The following GRIN2A variants were observed in gnomAD, a reference collection of about 807,000 sequenced individuals.
GRIN2A encodes glutamate receptor ionotropic, NMDA 2A.
GRIN2A carries 22 observed loss-of-function variants against 113.4 expected under a neutral mutation model. That is an observed-to-expected ratio of 0.19 (90% CI 0.14 to 0.28). The LOEUF (loss-of-function observed/expected upper bound fraction) is 0.28. Among genes scored for constraint, GRIN2A ranks in the 10% least tolerant of loss-of-function variants. The probability of loss-of-function intolerance (pLI) is 1.00; values close to 1 mark genes in which losing one functional copy is unlikely to be tolerated. For synonymous variants in GRIN2A, 827 were observed against 738.4 expected (o/e 1.12, Z -1.94); for missense variants, 1,502 against 1,887.0 (o/e 0.80, Z 3.78).
At chr16:10,130,826 A>G (rs1322103303) in intron 2 of GRIN2A, among the ~76,000 whole-genome samples, 3 of 152,198 alleles carry the variant, frequency 2.0e-5, no homozygotes, top group African/African-American at 7.2e-5. Flanking sequence ...GAAAGTAAAC[A>G]GCTGGGGGAG....
chr16:9,960,693 C>T (rs1199914350), intron 2 of GRIN2A, among the ~76,000 whole-genome samples: 6 of 152,208 alleles, frequency 3.9e-5, no homozygotes, highest in Non-Finnish European at 7.3e-5. Flanking sequence ...GGCATGATCT[C>T]AGCTCCCTGC....
At position 10,098,607 on chromosome 16, in the gene GRIN2A, C is replaced by T. The variant is rs117201595; in HGVS notation, c.414+81391G>A. 3.1e-3 allele frequency among the ~76,000 whole-genome samples: 466 copies of T among 152,232 alleles called. 7 individuals carry two copies. The East Asian group carries it at 0.052, about 17-fold the overall frequency. Reference sequence around the variant, plus strand: ...ACAAATTGTGGTATGTATATATACACGATGGAATAAAACTCAGCCTTAAAA... The same window carrying T: ...ACAAATTGTGGTATGTATATATACATGATGGAATAAAACTCAGCCTTAAAA... On this transcript the variant is annotated intron_variant, in intron 2 of 12. Coordinates refer to ENST00000330684, the MANE Select transcript of GRIN2A (RefSeq NM_001134407.3).
At chr16:9,784,296 G>C (rs1035492282) in intron 11 of GRIN2A, among the ~76,000 whole-genome samples, 1 of 151,924 alleles carries the variant, frequency 6.6e-6, no homozygotes, top group Non-Finnish European at 1.5e-5. Flanking sequence ...CAGGCGTGGT[G>C]GTGGGTGCCT....
chr16:9,785,713 A>G (rs950617230), intron 11 of GRIN2A, among the ~76,000 whole-genome samples: 10 of 152,120 alleles, frequency 6.6e-5, no homozygotes, highest in African/African-American at 2.4e-4. Flanking sequence ...GATAAAAAGT[A>G]TAAGTTTCAA....
chr16:9,887,983 C>G (rs990154619), intron 4 of GRIN2A, among the ~76,000 whole-genome samples: 3 of 152,208 alleles, frequency 2.0e-5, no homozygotes, highest in Non-Finnish European at 4.4e-5. Context: ...TTCTCTCGCC[C>G]AGGCTGGAGT....
intron 8 of GRIN2A, among the ~76,000 whole-genome samples, chr16:9,832,167 G>A (rs546486822): frequency 6.6e-5 from 10 of 150,380 alleles, no homozygotes; most frequent in Non-Finnish European, 1.3e-4. Context: ...TGTTACCCAG[G>A]CTGGTCTCAA....
At chr16:9,806,881 C>G (rs780389843) in intron 10 of GRIN2A, among the ~76,000 whole-genome samples, 1 of 151,996 alleles carries the variant, frequency 6.6e-6, no homozygotes, top group African/African-American at 2.4e-5. Flanking sequence ...AATTGTAGCT[C>G]TCATAATTCC....
intron 2 of GRIN2A, among the ~76,000 whole-genome samples, chr16:10,071,809 G>C (rs764010041): frequency 2.0e-5 from 3 of 152,208 alleles, no homozygotes; most frequent in Non-Finnish European, 4.4e-5. Context: ...AAGTGGACGG[G>C]AGCCGACACC....
intron 2 of GRIN2A, among the ~76,000 whole-genome samples, chr16:10,025,752 C>G (rs1314910309): frequency 1.3e-5 from 2 of 152,178 alleles, no homozygotes; most frequent in Admixed American, 1.3e-4. Context: ...CCCCTGCCTC[C>G]CTATATCGGC....
chr16:9,958,477 G>T (rs1414010539), intron 2 of GRIN2A, among the ~76,000 whole-genome samples: 1 of 152,010 alleles, frequency 6.6e-6, no homozygotes, highest in East Asian at 1.9e-4. Context: ...TTTAGCAATG[G>T]TCTCCTGGGG....
chr16:9,923,143 C>A (rs1008466221), intron 3 of GRIN2A, among the ~76,000 whole-genome samples: 1 of 151,936 alleles, frequency 6.6e-6, no homozygotes, highest in Non-Finnish European at 1.5e-5. Flanking sequence ...TATTTTGAAG[C>A]TATACTAGAT....
chr16:9,836,203 T>A (rs1265652576), intron 7 of GRIN2A, among the ~76,000 whole-genome samples: 2 of 152,226 alleles, frequency 1.3e-5, no homozygotes, highest in Non-Finnish European at 2.9e-5. Context: ...CAAATAAGCA[T>A]ATACATGAAA....
At chr16:10,040,367 A>G (rs1175800387) in intron 2 of GRIN2A, among the ~76,000 whole-genome samples, 1 of 151,750 alleles carries the variant, frequency 6.6e-6, no homozygotes, top group African/African-American at 2.4e-5. Flanking sequence ...CAATGTACAA[A>G]CACACAACAC....
chr16:9,798,251 A>T, intron 11 of GRIN2A, 26 bp downstream of exon 11: 1 of 1,600,258 alleles, frequency 6.2e-7, no homozygotes, highest in Non-Finnish European at 8.6e-7. Flanking sequence ...AGTCCCCCTA[A>T]AGAAAGGGGT....
chr16:9,966,908 G>A (rs746676460), intron 2 of GRIN2A, among the ~76,000 whole-genome samples: 3 of 152,172 alleles, frequency 2.0e-5, no homozygotes, highest in Admixed American at 6.5e-5. Context: ...CACACTTTGA[G>A]AACCACAGCA....
intron 2 of GRIN2A, among the ~76,000 whole-genome samples, chr16:10,141,295 C>T (rs987968230): frequency 8.6e-5 from 13 of 151,992 alleles, no homozygotes; most frequent in South Asian, 4.2e-4. Flanking sequence ...TCGAGACCAA[C>T]GTGGCAAATA....
chr16:9,934,953 G>A (rs757009924), intron 3 of GRIN2A, among the ~76,000 whole-genome samples: 21 of 151,946 alleles, frequency 1.4e-4, no homozygotes, highest in Non-Finnish European at 1.5e-4. Context: ...GACTTACCAC[G>A]CTTGATGCAT....
intron 2 of GRIN2A, among the ~76,000 whole-genome samples, chr16:10,150,763 G>T: frequency 6.6e-6 from 1 of 151,880 alleles, no homozygotes; most frequent in East Asian, 1.9e-4. Context: ...AGCACTCTCT[G>T]TCTTACCTCT....
chr16:9,963,176 G>C (rs932713416), intron 2 of GRIN2A, among the ~76,000 whole-genome samples: 1 of 150,114 alleles, frequency 6.7e-6, no homozygotes, highest in African/African-American at 2.4e-5. Flanking sequence ...GCTAAATGAC[G>C]AGTTAATGGG....
Sources: allele counts gnomAD v4.1 joint callset (sites outside exome capture counted in the v4.1 genomes callset), GRCh38; gene constraint gnomAD v4.1.1; transcripts MANE v1.5; gene names NCBI Gene and HGNC (gene_info 2026-07-23, HGNC 2026-07-21).